DPP10: variants seen among roughly 807,000 people sequenced by gnomAD.
The protein encoded by DPP10 is inactive dipeptidyl peptidase 10.
A neutral mutation model predicts 120.9 loss-of-function variants in DPP10; 33 were observed. The observed-to-expected ratio is 0.27, with a 90% CI of 0.21 to 0.37. The LOEUF (loss-of-function observed/expected upper bound fraction) is 0.37, where lower values mean the gene tolerates loss of function less well. Among genes scored for constraint, DPP10 ranks in the 10% least tolerant of loss-of-function variants. The pLI is 1.00. For synonymous variants in DPP10, 337 were observed against 326.1 expected, an observed-to-expected ratio of 1.03 and a Z score of -0.36; for missense variants, 816 against 942.8, an observed-to-expected ratio of 0.87 and a Z score of 1.76.
intron 1 of DPP10, among the ~76,000 whole-genome samples, chr2:115,301,496 C>T (rs572104370): frequency 6.9e-6 from 1 of 143,986 alleles, no homozygotes; most frequent in East Asian, 2.1e-4. Flanking sequence ...TTTAACTGCA[C>T]TCACTGTTCC....
Position 114,874,390 on chromosome 2 carries a change from C to T in DPP10, c.60+431552C>T, listed in dbSNP as rs1329146156. ...TAGGTGTGACAAAAGCATCCAAAAG[C>T]CTGCTTCCATTTCCAACATCCTATC... On this transcript the variant is annotated intron_variant, in intron 1 of 25. Transcript: ENST00000410059. 1.3e-5 allele frequency among the ~76,000 whole-genome samples: 2 copies of T among 152,106 alleles called. 1 individual carries two copies. Among genetic ancestry groups the T allele is most frequent in the Non-Finnish European group, 2.9e-5 (2 of 68,016 alleles).
chr2:114,970,746 C>T (rs926323555), intron 1 of DPP10, among the ~76,000 whole-genome samples: 12 of 152,072 alleles, frequency 7.9e-5, no homozygotes, highest in African/African-American at 2.9e-4. Context: ...TACAGTTGTA[C>T]AATTTGTTTT....
intron 4 of DPP10, among the ~76,000 whole-genome samples, chr2:115,503,462 A>T (rs1200189961): frequency 6.6e-6 from 1 of 152,218 alleles, no homozygotes; most frequent in East Asian, 1.9e-4. Flanking sequence ...CAACAACAAA[A>T]ACAAACACAG....
intron 5 of DPP10, among the ~76,000 whole-genome samples, chr2:115,544,803 G>C (rs1558827608): frequency 6.6e-6 from 1 of 152,014 alleles, no homozygotes; most frequent in Non-Finnish European, 1.5e-5. Flanking sequence ...ACTGCTGCTG[G>C]TGGTGGTGAA....
intron 5 of DPP10, among the ~76,000 whole-genome samples, chr2:115,536,773 A>G (rs1221433186): frequency 1.3e-5 from 2 of 152,030 alleles, no homozygotes; most frequent in Non-Finnish European, 2.9e-5. Context: ...CTTACACTGA[A>G]AGCTCTGTGA....
intron 1 of DPP10, among the ~76,000 whole-genome samples, chr2:115,236,987 T>C (rs1043466271): frequency 1.3e-5 from 2 of 152,184 alleles, no homozygotes; most frequent in African/African-American, 4.8e-5. Flanking sequence ...AAATCAGTGA[T>C]TTTCTAACAG....
intron 1 of DPP10, among the ~76,000 whole-genome samples, chr2:115,030,884 G>A (rs1703794892): frequency 6.6e-6 from 1 of 152,152 alleles, no homozygotes; most frequent in Admixed American, 6.6e-5. Context: ...CCTAGAGGCA[G>A]AAATACTATT....
chr2:115,451,780 A>T (rs1164753909), intron 3 of DPP10, among the ~76,000 whole-genome samples: 1 of 152,040 alleles, frequency 6.6e-6, no homozygotes, highest in Non-Finnish European at 1.5e-5. Flanking sequence ...AACGCATAAA[A>T]GTGAAATACT....
chr2:114,926,770 C>T lies in DPP10; in HGVS notation c.61-382469C>T, dbSNP rs145465128. 1.2e-3 allele frequency among the ~76,000 whole-genome samples: 176 copies of T among 152,204 alleles called. 1 individual carries two copies. Among genetic ancestry groups the T allele is most frequent in the African/African-American group, 3.7e-3 (154 of 41,544 alleles). ...GGTCAAATCTAAAAGGCAACTGCCT[C>T]TAGCTGCAGAGGCAGGTGGCAGCTT... On this transcript the variant is annotated intron_variant, in intron 1 of 25. Coordinates refer to ENST00000410059, the MANE Select transcript of DPP10 (RefSeq NM_020868.6).
intron 1 of DPP10, among the ~76,000 whole-genome samples, chr2:114,508,782 T>G (rs577435429): frequency 6.6e-6 from 1 of 152,224 alleles, no homozygotes; most frequent in East Asian, 1.9e-4. Context: ...AAGAGTCAGG[T>G]TAGCTTGTCC....
At chr2:115,252,089 A>G (rs1408053064) in intron 1 of DPP10, among the ~76,000 whole-genome samples, 1 of 152,238 alleles carries the variant, frequency 6.6e-6, no homozygotes, top group African/African-American at 2.4e-5. Flanking sequence ...CAATCGGAAC[A>G]TATCGCCTCA....
intron 13 of DPP10, among the ~76,000 whole-genome samples, chr2:115,775,567 T>A (rs1682000280): frequency 6.6e-6 from 1 of 152,068 alleles, no homozygotes; most frequent in African/African-American, 2.4e-5. Context: ...ATTTTCCACA[T>A]CAGGGAAAGG....
chr2:115,478,651 T>C (rs2075241018), intron 3 of DPP10, among the ~76,000 whole-genome samples: 2 of 152,190 alleles, frequency 1.3e-5, no homozygotes, highest in African/African-American at 4.8e-5. Flanking sequence ...GCAAGTCATA[T>C]CTATGGTAAG....
chr2:115,330,858 A>C (rs1015720633), intron 2 of DPP10, among the ~76,000 whole-genome samples: 20 of 152,214 alleles, frequency 1.3e-4, no homozygotes, highest in Middle Eastern at 6.8e-3. Context: ...GTCTGGTAGC[A>C]TGATGCCTCC....
At chr2:114,806,092 C>G (rs1360348966) in intron 1 of DPP10, among the ~76,000 whole-genome samples, 2 of 152,202 alleles carry the variant, frequency 1.3e-5, no homozygotes, top group Non-Finnish European at 2.9e-5. Context: ...AGGAAATAAA[C>G]AAAATTATCC....
At chr2:114,556,754 C>A (rs1446889332) in intron 1 of DPP10, among the ~76,000 whole-genome samples, 1 of 151,882 alleles carries the variant, frequency 6.6e-6, no homozygotes, top group Non-Finnish European at 1.5e-5. Flanking sequence ...TGATGGAGTC[C>A]CAGCAAAGGA....
At chr2:115,492,359 G>T (rs941587533) in intron 3 of DPP10, among the ~76,000 whole-genome samples, 2 of 152,128 alleles carry the variant, frequency 1.3e-5, no homozygotes, top group South Asian at 4.1e-4. Flanking sequence ...AAAGTTTTGG[G>T]GGTATGTAGT....
chr2:115,726,838 A>C (rs1374573546), intron 7 of DPP10, among the ~76,000 whole-genome samples: 1 of 152,036 alleles, frequency 6.6e-6, no homozygotes, highest in East Asian at 1.9e-4. Context: ...TGTTTTCTCT[A>C]TTTGCTACTG....
At chr2:114,645,598 AC>A (rs754434222) in intron 1 of DPP10, among the ~76,000 whole-genome samples, 1 of 152,024 alleles carries the variant, frequency 6.6e-6, no homozygotes, top group Non-Finnish European at 1.5e-5. Flanking sequence ...CTTTATTTTA[AC>A]CTTTTGTTTC....
Sources: gnomAD v4.1 joint callset for allele counts (sites outside exome capture counted in the v4.1 genomes callset) on GRCh38, gnomAD v4.1.1 for gene constraint, MANE v1.5 for transcripts, NCBI Gene and HGNC (gene_info 2026-07-23, HGNC 2026-07-21) for gene names.